The following MUC17 variants were observed in gnomAD, a reference collection of about 807,000 sequenced individuals.
MUC17 encodes mucin-17.
In MUC17, 190 loss-of-function variants were observed where a neutral mutation model predicts 170.3. That is an observed-to-expected ratio of 1.12 (90% CI 0.99 to 1.26). The LOEUF (loss-of-function observed/expected upper bound fraction) is 1.26, where lower values mean the gene tolerates loss of function less well. MUC17 is among the 50% of genes most tolerant of loss of function. MUC17 has a pLI of 0.00. For synonymous variants in MUC17, 2,325 were observed against 2,002.5 expected, an observed-to-expected ratio of 1.16 and a Z score of -4.30; for missense variants, 6,415 against 5,530.0, an observed-to-expected ratio of 1.16 and a Z score of -5.08.
At position 101,042,638 on chromosome 7, in the gene MUC17, C is replaced by T; in HGVS notation, c.11222C>T (p.Thr3741Ile). 1.2e-6 allele frequency: 2 copies of T among 1,614,088 alleles called. No homozygotes were observed. Among genetic ancestry groups the T allele is most frequent in the Non-Finnish European group, 1.7e-6 (2 of 1,180,032 alleles). ...TCATCTTCTGCAACTCTTGACAGCA[C>T]CACCATGTCTGTGTCAATGCCCATG... ...AISSSATLDS[T>I]TMSVSMPMEI... is the part of the protein sequence containing the mutation. The change falls in exon 3 of 13, where the codon ACC becomes ATC. Residue 3741 changes from threonine to isoleucine, a missense_variant. Thr to Ile is a moderately conservative substitution (Grantham distance 89, BLOSUM62 -1). Coordinates refer to ENST00000306151, the MANE Select transcript of MUC17 (RefSeq NM_001040105.2).
Position 101,033,127 on chromosome 7 carries a change from C to G in MUC17, c.1711C>G (p.Pro571Ala), listed in dbSNP as rs748792478. 6.2e-6 allele frequency: 10 copies of G among 1,611,254 alleles called. No individual in the cohort carries two copies. Among genetic ancestry groups the G allele is most frequent in the Non-Finnish European group, 8.5e-6 (10 of 1,178,572 alleles). ...CTCAACTCCTAGTGAAGGAAGCACT[C>G]CATTAACAAACATGCCTGTCAGCAC... ...PTSTPSEGST[P>A]LTNMPVSTRL... The change falls in exon 3 of 13, where the codon CCA becomes GCA. Residue 571 changes from proline to alanine, a missense_variant. Physicochemically the swap from Pro to Ala is conservative, Grantham distance 27 (BLOSUM62 -1). Transcript: ENST00000306151.
chr7:101,029,062 C>T (rs1367385274), intron 1 of MUC17, among the ~76,000 whole-genome samples: 1 of 152,100 alleles, frequency 6.6e-6, no homozygotes, highest in Non-Finnish European at 1.5e-5. Flanking sequence ...GTGGCGCATG[C>T]CTGTAATCCC....
intron 3 of MUC17, among the ~76,000 whole-genome samples, chr7:101,046,781 A>AAAT (rs1402763570): frequency 6.6e-6 from 1 of 152,044 alleles, no homozygotes; most frequent in African/African-American, 2.4e-5. Context: ...CTGTCTCAAA[A>AAAT]AATAATAATA....
Position 101,034,533 on chromosome 7 carries a change from A to C in MUC17, c.3117A>C (p.Glu1039Asp). ...GCATGCCAACCTCAACTCCTAGTGA[A>C]GGAAGCACTCCATTAACACGTATGC... ...GTSMPTSTPSEGSTPLTRMPV... is the reference protein window; with the variant it reads ...GTSMPTSTPSDGSTPLTRMPV... The change falls in exon 3 of 13, where the codon GAA becomes GAC. Residue 1039 changes from glutamate to aspartate, a missense_variant. Transcript: ENST00000306151. 1 of 1,613,694 alleles carries C rather than the reference A, an allele frequency of 6.2e-7. No homozygotes were observed. The highest frequency in any genetic ancestry group is 8.5e-7 in the Non-Finnish European group (1 of 1,179,708).
chr7:101,056,369 T>G, intron 12 of MUC17, 99 bp downstream of exon 12: 1 of 1,524,378 alleles, frequency 6.6e-7, no homozygotes, highest in Non-Finnish European at 8.9e-7. Context: ...CAGAACCATG[T>G]TTACAGTTTA....
chr7:101,048,871 A>G lies in MUC17; in HGVS notation c.12562A>G (p.Met4188Val), dbSNP rs781585861. ...GCCACCGGAGACTATCTCTGCCCAAATGGAACTGACTGTGACAGTGACCAG... is the reference window on the plus strand; with the variant it reads ...GCCACCGGAGACTATCTCTGCCCAAGTGGAACTGACTGTGACAGTGACCAG... ...IGPPETISAQ[M>V]ELTVTVTSVK... The change falls in exon 5 of 13, where the codon ATG becomes GTG. Residue 4188 changes from methionine to valine, a missense_variant. Physicochemically the swap from Met to Val is conservative, Grantham distance 21 (BLOSUM62 1). Transcript: ENST00000306151. 6.2e-7 allele frequency: 1 copy of G among 1,614,106 alleles called. No individual in the cohort carries two copies. Among genetic ancestry groups the G allele is most frequent in the Non-Finnish European group, 8.5e-7 (1 of 1,179,978 alleles).
Position 101,036,743 on chromosome 7 carries a change from C to A in MUC17, c.5327C>A (p.Thr1776Asn), listed in dbSNP as rs1794495119. ...ASTLSATPID[T>N]STPVTTSTEA... ...ACCCTTTCAGCAACTCCTATTGACA[C>A]CAGCACCCCTGTGACCACTTCTACT... The change falls in exon 3 of 13, where the codon ACC (threonine) becomes AAC (asparagine). Residue 1776 changes from threonine to asparagine, a missense_variant. By Grantham distance (65) the Thr-to-Asn change is moderately conservative. Coordinates refer to ENST00000306151, the MANE Select transcript of MUC17 (RefSeq NM_001040105.2). 1.9e-6 allele frequency: 3 copies of A among 1,612,050 alleles called. No homozygotes were observed. Among genetic ancestry groups the A allele is most frequent in the South Asian group, 1.1e-5 (1 of 90,796 alleles).
In MUC17 at chr7:101,051,952, C is replaced by T. The variant is rs550776557; in HGVS notation, c.13093C>T (p.Pro4365Ser). ...CAAGTGCCAGATGTCTCTAAGTGGA[C>T]CTCAGTGCCTGTGAGTGCTCCCCCA... ...LGKCQMSLSG[P>S]QCLCVTTETH... The change falls in exon 9 of 13, where the codon CCT (proline) becomes TCT (serine). Residue 4365 changes from proline to serine, a missense_variant. By Grantham distance (74) the Pro-to-Ser change is moderately conservative. Coordinates refer to ENST00000306151, the MANE Select transcript of MUC17 (RefSeq NM_001040105.2). The T allele has an allele frequency of 8.6e-5, 139 of 1,612,868 alleles. 1 individual carries two copies. In the South Asian group the frequency reaches 1.3e-3, roughly 16 times the overall value.
chr7:101,036,069 C>T lies in MUC17; in HGVS notation c.4653C>T (p.Ala1551=). Reference sequence around the variant, plus strand: ...CACCTGTGACCACTTATTCTCAAGCCAGTTCATCTCCTACAACTGCTGACG... The same window carrying T: ...CACCTGTGACCACTTATTCTCAAGCTAGTTCATCTCCTACAACTGCTGACG... ...TSTPVTTYSQ[A]SSSPTTADGT... Residue 1551 remains alanine (A), a synonymous_variant, in exon 3 of 13, where the codon GCC becomes GCT. Coordinates refer to ENST00000306151, the MANE Select transcript of MUC17 (RefSeq NM_001040105.2). 3 of 1,612,366 alleles carry T rather than the reference C, an allele frequency of 1.9e-6. No individual in the cohort carries two copies. Among genetic ancestry groups the T allele is most frequent in the African/African-American group, 1.3e-5 (1 of 74,970 alleles).
Position 101,040,751 on chromosome 7 carries a change from T to A in MUC17, c.9335T>A (p.Val3112Asp). ...AGCACTCCATTAACAGGTGTGCCTG[T>A]CAGCACCACACCGGTGACCAGTTCT... ...EGSTPLTGVP[V>D]STTPVTSSAI... The change falls in exon 3 of 13, where the codon GTC (valine) becomes GAC (aspartate). Residue 3112 changes from valine to aspartate, a missense_variant. By Grantham distance (152) the Val-to-Asp change is radical. Coordinates refer to ENST00000306151, the MANE Select transcript of MUC17 (RefSeq NM_001040105.2). 1.2e-6 allele frequency: 2 copies of A among 1,613,344 alleles called. No individual in the cohort carries two copies. The highest frequency in any genetic ancestry group is 2.7e-5 in the African/African-American group (2 of 74,906).
chr7:101,022,147 G>T lies in MUC17; in HGVS notation c.82+1930G>T, dbSNP rs1395561779. On this transcript the variant is annotated intron_variant, in intron 1 of 12. Coordinates refer to ENST00000306151, the MANE Select transcript of MUC17 (RefSeq NM_001040105.2). ...GCACTTCCATCACCATCCCACTCTTGTCCTCCTCCCGAGAGATTTTTTTTT... is the reference window on the plus strand; with the variant it reads ...GCACTTCCATCACCATCCCACTCTTTTCCTCCTCCCGAGAGATTTTTTTTT... Among the ~76,000 whole-genome samples, 7 of 147,012 alleles carry T rather than the reference G, an allele frequency of 4.8e-5. No homozygotes were observed. The South Asian group carries it at 1.5e-3, about 32-fold the overall frequency.
chr7:101,027,397 G>A (rs1794200512), intron 1 of MUC17, among the ~76,000 whole-genome samples: 2 of 151,424 alleles, frequency 1.3e-5, no homozygotes, highest in South Asian at 4.2e-4. Flanking sequence ...TCCCCTAAAG[G>A]GCTGGGATTA....
rs1794530810 is a variant in MUC17 at position 101,037,603 on chromosome 7, A to G, written c.6187A>G (p.Thr2063Ala). 1.2e-6 allele frequency: 2 copies of G among 1,613,914 alleles called. No individual in the cohort carries two copies. ...TTLVVSSEGN[T>A]LSTTPVDSKT... ...GCTTGTGGTCAGTTCTGAGGGTAAC[A>G]CCCTTTCAACAACTCCTGTTGACTC... The change falls in exon 3 of 13, where the codon ACC becomes GCC. Residue 2063 changes from threonine to alanine, a missense_variant. Transcript: ENST00000306151.
rs748024302 is a variant in MUC17 at position 101,039,452 on chromosome 7, G to A, written c.8036G>A (p.Gly2679Asp). ...GTSSSPTTAE[G>D]SSMPTSTPGE... ...AGTTCATCTCCTACAACTGCTGAAG[G>A]TAGCAGCATGCCAACCTCAACTCCT... The change falls in exon 3 of 13, where the codon GGT (glycine) becomes GAT (aspartate). Residue 2679 changes from glycine (G) to aspartate (D), a missense_variant. By Grantham distance (94) the Gly-to-Asp change is moderately conservative. Coordinates refer to ENST00000306151, the MANE Select transcript of MUC17 (RefSeq NM_001040105.2). The A allele has an allele frequency of 6.8e-6, 11 of 1,609,514 alleles. No individual in the cohort carries two copies. The highest frequency in any genetic ancestry group is 3.3e-5 in the South Asian group (3 of 90,654).
rs1295676469 is a variant in MUC17 at position 101,020,145 on chromosome 7, C to T, written c.10C>T (p.Pro4Ser). The T allele has an allele frequency of 6.2e-7, 1 of 1,604,972 alleles. No individual in the cohort carries two copies. Among genetic ancestry groups the T allele is most frequent in the Non-Finnish European group, 8.5e-7 (1 of 1,175,666 alleles). ...CGTGCTCAGAGCTCCGATGCCAAGG[C>T]CAGGGACCATGGCGCTGTGTCTGCT... MPR[P>S]GTMALCLLTL... Residue 4 changes from proline (P) to serine (S), a missense_variant, in exon 1 of 13, where the codon CCA (proline) becomes TCA (serine). Transcript: ENST00000306151.
At position 101,042,127 on chromosome 7, in the gene MUC17, C is replaced by G; in HGVS notation, c.10711C>G (p.Pro3571Ala). Residue 3571 changes from proline (P) to alanine (A), a missense_variant, in exon 3 of 13, where the codon CCA (proline) becomes GCA (alanine). Pro to Ala is a conservative substitution (Grantham distance 27). Transcript: ENST00000306151. ...LQVTTMRMST[P>A]SEGSSSLTTM... Reference sequence around the variant, plus strand: ...GGTCACCACTATGCGTATGTCTACTCCAAGTGAAGGAAGCTCTTCATTAAC... The same window carrying G: ...GGTCACCACTATGCGTATGTCTACTGCAAGTGAAGGAAGCTCTTCATTAAC... The G allele has an allele frequency of 1.9e-6, 3 of 1,614,104 alleles. No individual in the cohort carries two copies. The highest frequency in any genetic ancestry group is 2.5e-6 in the Non-Finnish European group (3 of 1,180,008).
Position 101,040,016 on chromosome 7 carries a change from G to A in MUC17, c.8600G>A (p.Gly2867Glu), listed in dbSNP as rs141281393. ...GTGCCAATCTCAACTGCTAGTGAAG[G>A]AAGTACTCTATTAACAAGTATACCT... is the stretch of plus-strand genomic sequence containing the variant. The part of the protein sequence containing the change: ...IVVPISTASE[G>E]STLLTSIPVS... Residue 2867 changes from glycine (G) to glutamate (E), a missense_variant, in exon 3 of 13, where the codon GGA becomes GAA. Physicochemically the swap from Gly to Glu is moderately conservative, Grantham distance 98. Coordinates refer to ENST00000306151, the MANE Select transcript of MUC17 (RefSeq NM_001040105.2). 4.4e-5 allele frequency: 71 copies of A among 1,609,122 alleles called. 1 individual carries two copies. The African/African-American group carries it at 7.9e-4, about 18-fold the overall frequency.
rs140470886 is a variant in MUC17 at position 101,048,006 on chromosome 7, T to C, written c.12426T>C (p.Asn4142=). The C allele has an allele frequency of 2.5e-6, 4 of 1,603,254 alleles. No homozygotes were observed. Among genetic ancestry groups the C allele is most frequent in the African/African-American group, 1.3e-5 (1 of 74,296 alleles). The change falls in exon 4 of 13, where the codon AAT becomes AAC. Residue 4142 remains asparagine (N), a synonymous_variant. Transcript: ENST00000306151. ...CAGGCTTTGGAGATGGGTGCCAGAA[T>C]ACGGCCTCTCGCTGCAAGAATGGAG... is the stretch of plus-strand genomic sequence containing the variant. The part of the protein sequence containing the change: ...TTTCFGDGCQ[N]TASRCKNGGT...
rs1003265880 is a variant in MUC17, at chr7:101,055,187, G to A, written c.13364-1007G>A. ...AAAATAGAAAATAAAATGATAGGAC[G>A]TAATGCAAATATATCACAAATCATA... On this transcript the variant is annotated intron_variant, in intron 11 of 12. Transcript: ENST00000306151. 5.3e-5 allele frequency among the ~76,000 whole-genome samples: 8 copies of A among 151,862 alleles called. No homozygotes were observed. The South Asian group carries it at 8.3e-4, about 16-fold the overall frequency.
Sources: gnomAD v4.1 joint callset for allele counts (sites outside exome capture counted in the v4.1 genomes callset) on GRCh38, gnomAD v4.1.1 for gene constraint, MANE v1.5 for transcripts, NCBI Gene and HGNC (gene_info 2026-07-23, HGNC 2026-07-21) for gene names.